Variants in PLEKHM1 observed in about 807,000 individuals in gnomAD.
PLEKHM1 encodes pleckstrin homology domain-containing family M member 1.
A neutral mutation model predicts 94.3 loss-of-function variants in PLEKHM1; 28 were observed. The observed-to-expected ratio is 0.30, with a 90% CI of 0.22 to 0.41. The LOEUF (loss-of-function observed/expected upper bound fraction) is 0.41, where lower values mean the gene tolerates loss of function less well. PLEKHM1 is among the 10% of genes least tolerant of loss of function. The pLI, the probability that PLEKHM1 is intolerant of heterozygous loss-of-function variation, is 1.00. For synonymous variants in PLEKHM1, 424 were observed against 581.2 expected (o/e 0.73, Z 3.89); for missense variants, 907 against 1,358.6 (o/e 0.67, Z 5.22).
At chr17:45,488,586 C>T (rs1391589699) in intron 1 of PLEKHM1, among the ~76,000 whole-genome samples, 3 of 152,096 alleles carry the variant, frequency 2.0e-5, no homozygotes, top group Non-Finnish European at 4.4e-5. Context: ...ACAGCATTCA[C>T]TTTTCAAAGG....
chr17:45,486,240 A>AAAAT (rs1555588810), intron 1 of PLEKHM1, among the ~76,000 whole-genome samples: 24 of 142,920 alleles, frequency 1.7e-4, no homozygotes, highest in South Asian at 4.3e-4. Context: ...TAAAATAAAA[A>AAAAT]AATAATAATA....
intron 1 of PLEKHM1, among the ~76,000 whole-genome samples, chr17:45,486,440 G>C (rs1225258684): frequency 6.6e-6 from 1 of 151,208 alleles, no homozygotes; most frequent in Non-Finnish European, 1.5e-5. Flanking sequence ...AAATTAGCCG[G>C]GCGGGCACCT....
At chr17:45,472,455 T>A (rs1323439672) in intron 4 of PLEKHM1, among the ~76,000 whole-genome samples, 1 of 151,996 alleles carries the variant, frequency 6.6e-6, no homozygotes, top group Non-Finnish European at 1.5e-5. Flanking sequence ...ACAAGACACA[T>A]GAGATAAAGG....
At chr17:45,456,776 T>G (rs2050964712) in intron 6 of PLEKHM1, among the ~76,000 whole-genome samples, 1 of 152,250 alleles carries the variant, frequency 6.6e-6, no homozygotes. Context: ...GTACTTTTTT[T>G]GTTTGTTTTG....
At chr17:45,458,989 G>A (rs2051070285) in intron 5 of PLEKHM1, among the ~76,000 whole-genome samples, 1 of 151,816 alleles carries the variant, frequency 6.6e-6, no homozygotes, top group Admixed American at 6.6e-5. Flanking sequence ...CTAGCTGGGT[G>A]TGATGGCACA....
At position 45,475,412 on chromosome 17, in the gene PLEKHM1, A is replaced by G. The variant is rs755568155; in HGVS notation, c.611T>C (p.Leu204Pro). ...ALSGLCPLSE[L>P]DPLSTSGAEL... ...TGCACCAGAGGTAGAGAGAGGGTCC[A>G]GCTCAGAAAGCGGGCAAAGCCCAGA... The change falls in exon 4 of 12, where the codon CTG (leucine) becomes CCG (proline). Residue 204 changes from leucine to proline, a missense_variant. Leu to Pro is a moderately conservative substitution (Grantham distance 98). Transcript: ENST00000430334. The G allele has an allele frequency of 1.2e-6, 2 of 1,613,508 alleles. No individual in the cohort carries two copies. The highest frequency in any genetic ancestry group is 2.7e-5 in the African/African-American group (2 of 74,926).
At chr17:45,438,649 C>T (rs1186220777) in intron 11 of PLEKHM1, among the ~76,000 whole-genome samples, 3 of 152,098 alleles carry the variant, frequency 2.0e-5, no homozygotes, top group Non-Finnish European at 4.4e-5. Flanking sequence ...CTCTGCCTCC[C>T]GAATTCAAGT....
chr17:45,446,744 C>G (rs3973533), intron 8 of PLEKHM1, among the ~76,000 whole-genome samples: 1 of 152,172 alleles, frequency 6.6e-6, no homozygotes, highest in African/African-American at 2.4e-5. Flanking sequence ...ATTTGACTGT[C>G]GTATCCAGCA....
chr17:45,479,558 T>C (rs1598000773), intron 2 of PLEKHM1, among the ~76,000 whole-genome samples: 1 of 143,496 alleles, frequency 7.0e-6, no homozygotes, highest in African/African-American at 2.6e-5. Flanking sequence ...TGGTGGTGAG[T>C]GCCTGTAATC....
Position 45,446,058 on chromosome 17 carries a change from T to C in PLEKHM1, c.2644-395A>G, listed in dbSNP as rs556765951. 9.4e-6 allele frequency: 3 copies of C among 318,230 alleles called. No individual in the cohort carries two copies. In the East Asian group the frequency reaches 2.3e-4, roughly 25 times the overall value. 19.7% of individuals were successfully genotyped at this position (318,230 alleles called of 1,614,324 possible). A position where few individuals can be genotyped will look rare whatever the true frequency, so the allele number is the denominator to read the frequency against. On this transcript the variant is annotated intron_variant, in intron 8 of 11. Coordinates refer to ENST00000430334, the MANE Select transcript of PLEKHM1 (RefSeq NM_014798.3). ...GAAACAGGCACTCCCTTCTGTGCCC[T>C]GACTCAGGAACCAGGTGACGGGCTG... is the stretch of plus-strand genomic sequence containing the variant.
chr17:45,486,240 A>AAAAAAAAAAAAT (rs1555588810), intron 1 of PLEKHM1, among the ~76,000 whole-genome samples: 5 of 142,860 alleles, frequency 3.5e-5, no homozygotes, highest in Non-Finnish European at 6.2e-5. Context: ...TAAAATAAAA[A>AAAAAAAAAAAAT]AATAATAATA....
intron 4 of PLEKHM1, among the ~76,000 whole-genome samples, chr17:45,470,908 C>T (rs546931137): frequency 3.3e-5 from 5 of 152,004 alleles, no homozygotes; most frequent in East Asian, 3.9e-4. Context: ...CCTCGTGATC[C>T]GCCTGCTTTG....
rs150735317 is a variant in PLEKHM1, at chr17:45,454,216, C to G, written c.1636G>C (p.Ala546Pro). The change falls in exon 7 of 12, where the codon GCA (alanine) becomes CCA (proline). Residue 546 changes from alanine (A) to proline (P), a missense_variant. Coordinates refer to ENST00000430334, the MANE Select transcript of PLEKHM1 (RefSeq NM_014798.3). ...AAGAGCTCCTTCCAGATGCCCATTG[C>G]CCCCCGCCGCTCCACGGTGCCCAGC... ...MKLGTVERRG[A>P]MGIWKELFCE... 1 of 1,610,344 alleles carries G rather than the reference C, an allele frequency of 6.2e-7. No homozygotes were observed. Among genetic ancestry groups the G allele is most frequent in the Admixed American group, 1.7e-5 (1 of 59,734 alleles).
chr17:45,451,933 T>A (rs2050785311), intron 7 of PLEKHM1, among the ~76,000 whole-genome samples: 1 of 152,232 alleles, frequency 6.6e-6, no homozygotes, highest in Non-Finnish European at 1.5e-5. Context: ...GCAGGTGTTT[T>A]CTGCAGGAAG....
At position 45,436,681 on chromosome 17, in the gene PLEKHM1, G is replaced by T. The variant is rs1485477111; in HGVS notation, c.*1177C>A. On this transcript the variant is annotated 3_prime_UTR_variant, in exon 12 of 12. Coordinates refer to ENST00000430334, the MANE Select transcript of PLEKHM1 (RefSeq NM_014798.3). ...TCCAGACTCCCACCCCAGCCCCAAG[G>T]CCCCTTCAAAGGCAGTCCTGCTCCG... is the stretch of plus-strand genomic sequence containing the variant. 4.4e-6 allele frequency: 2 copies of T among 454,134 alleles called. No individual in the cohort carries two copies. The highest frequency in any genetic ancestry group is 1.4e-4 in the East Asian group (2 of 14,396). The allele number at this position is 454,134 out of a possible 1,614,324, so 28.1% of individuals were successfully genotyped here. A position where few individuals can be genotyped will look rare whatever the true frequency, so the allele number is the denominator to read the frequency against.
At chr17:45,441,942 G>A (rs1383536653) in intron 9 of PLEKHM1, among the ~76,000 whole-genome samples, 4 of 152,180 alleles carry the variant, frequency 2.6e-5, no homozygotes, top group Non-Finnish European at 4.4e-5. Context: ...ATGAAGTGAT[G>A]GGGAAGGAAA....
rs539987099 is a variant in PLEKHM1, at chr17:45,455,269, G to A, written c.1580-997C>T. Among the ~76,000 whole-genome samples the A allele has an allele frequency of 1.3e-3, 200 of 152,208 alleles. 1 individual carries two copies. The highest frequency in any genetic ancestry group is 4.7e-3 in the African/African-American group (194 of 41,504). On this transcript the variant is annotated intron_variant, in intron 6 of 11. Coordinates refer to ENST00000430334, the MANE Select transcript of PLEKHM1 (RefSeq NM_014798.3). ...TGCCCTCCTCGTTGCCAAACCCCAA[G>A]GCCACTCCTCAGCCCTCGCCCCCAC...
rs747339681 is a variant in PLEKHM1, at chr17:45,437,685, G to A, written c.*173C>T. The A allele has an allele frequency of 1.1e-5, 8 of 700,476 alleles. No individual in the cohort carries two copies. Among genetic ancestry groups the A allele is most frequent in the East Asian group, 2.7e-5 (1 of 36,920 alleles). 43.4% of individuals were successfully genotyped at this position (700,476 alleles called of 1,614,324 possible). A position where few individuals can be genotyped will look rare whatever the true frequency, so the allele number is the denominator to read the frequency against. On this transcript the variant is annotated 3_prime_UTR_variant, in exon 12 of 12. Transcript: ENST00000430334. This position sits in a 1 kb window ranked among gnomAD's most constrained non-coding sequence, Gnocchi z 4.0. ...TGGGGGGAGGGCCAGGGGACACCACGGGGACTTCCTGGGCTTTCTCTGGGA... is the reference window on the plus strand; with the variant it reads ...TGGGGGGAGGGCCAGGGGACACCACAGGGACTTCCTGGGCTTTCTCTGGGA...
rs1239927671 is a variant in PLEKHM1, at chr17:45,458,151, A to C, written c.1579+18T>G. The C allele has an allele frequency of 1.9e-6, 3 of 1,611,478 alleles. No individual in the cohort carries two copies. The highest frequency in any genetic ancestry group is 2.5e-6 in the Non-Finnish European group (3 of 1,178,852). On this transcript the variant is annotated intron_variant, in intron 6 of 11. Transcript: ENST00000430334. ...TCCCTGCAGATGGGACCCACCCGGG[A>C]CCCTCCTGGTAACCTACCCATCTGT...
Sources: allele counts gnomAD v4.1 joint callset (sites outside exome capture counted in the v4.1 genomes callset), GRCh38; gene constraint gnomAD v4.1.1; non-coding constraint Gnocchi (gnomAD v3.1); transcripts MANE v1.5; gene names NCBI Gene and HGNC (gene_info 2026-07-23, HGNC 2026-07-21).